Variants in NTNG1 observed in about 807,000 individuals in gnomAD.
NTNG1 encodes the protein netrin G1.
Under a neutral mutation model 54.0 loss-of-function variants are expected in NTNG1, and 16 were observed. The observed-to-expected ratio is 0.30, with a 90% CI of 0.20 to 0.45. The LOEUF (loss-of-function observed/expected upper bound fraction) is 0.45, where lower values mean the gene tolerates loss of function less well. NTNG1 is among the 20% of genes least tolerant of loss of function. The pLI is 1.00. For synonymous variants in NTNG1, 255 were observed against 263.1 expected (o/e 0.97, Z 0.30); for missense variants, 530 against 678.7 (o/e 0.78, Z 2.43).
chr1:107,437,083 T>C (rs913484725), intron 7 of NTNG1, among the ~76,000 whole-genome samples: 1 of 151,976 alleles, frequency 6.6e-6, no homozygotes, highest in Non-Finnish European at 1.5e-5. Context: ...AGTGACACAA[T>C]AGGGACCCAG....
intron 2 of NTNG1, among the ~76,000 whole-genome samples, chr1:107,312,497 G>T (rs970065181): frequency 1.3e-5 from 2 of 152,070 alleles, no homozygotes; most frequent in African/African-American, 4.8e-5. Flanking sequence ...TGTGAAGAAG[G>T]TTGTCAAAAA....
intron 3 of NTNG1, among the ~76,000 whole-genome samples, chr1:107,370,136 C>T (rs1341093588): frequency 6.6e-6 from 1 of 150,980 alleles, no homozygotes; most frequent in African/African-American, 2.4e-5. Context: ...GTCTTGAAAT[C>T]AGGTAGTGTT....
At chr1:107,428,976 T>C (rs985767514) in intron 5 of NTNG1, among the ~76,000 whole-genome samples, 1 of 152,074 alleles carries the variant, frequency 6.6e-6, no homozygotes, top group Admixed American at 6.6e-5. Flanking sequence ...TCTCCTACAT[T>C]GGAGTCTCAA....
chr1:107,395,099 T>G, intron 3 of NTNG1, 55 bp from the exon 4 acceptor site: 1 of 1,441,720 alleles, frequency 6.9e-7, no homozygotes, highest in African/African-American at 1.4e-5. Context: ...GAAGCCTCAG[T>G]GGTCACCAAG....
At chr1:107,161,186 G>C (rs1042616159) in intron 2 of NTNG1, among the ~76,000 whole-genome samples, 1 of 152,132 alleles carries the variant, frequency 6.6e-6, no homozygotes, top group Admixed American at 6.6e-5. Flanking sequence ...CCGTTAAACA[G>C]AGATATATTT....
At chr1:107,289,404 G>T (rs1270754661) in intron 2 of NTNG1, among the ~76,000 whole-genome samples, 1 of 152,090 alleles carries the variant, frequency 6.6e-6, no homozygotes, top group Non-Finnish European at 1.5e-5. Context: ...CTTTTATAAA[G>T]AAATTGATGT....
rs967531887 is a variant in NTNG1, at chr1:107,484,562, A to G, written c.*3722A>G. 6.6e-6 allele frequency among the ~76,000 whole-genome samples: 1 copy of G among 152,218 alleles called. No homozygotes were observed. The highest frequency in any genetic ancestry group is 2.4e-5 in the African/African-American group (1 of 41,460). On this transcript the variant is annotated 3_prime_UTR_variant, in exon 8 of 8. Coordinates refer to ENST00000370068, the MANE Select transcript of NTNG1 (RefSeq NM_001113226.3). ...TTGAGTCAGATCCCTAAGTTGGCAC[A>G]AACTGCTAACCACATAACACAAAGA...
chr1:107,215,566 A>G (rs1659897106), intron 2 of NTNG1, among the ~76,000 whole-genome samples: 1 of 152,108 alleles, frequency 6.6e-6, no homozygotes, highest in South Asian at 2.1e-4. Flanking sequence ...CAGGTAATGT[A>G]ATGCCTCCAG....
intron 4 of NTNG1, among the ~76,000 whole-genome samples, chr1:107,400,181 C>T (rs375974146): frequency 6.6e-6 from 1 of 152,064 alleles, no homozygotes; most frequent in East Asian, 1.9e-4. Context: ...GCATTTTTCT[C>T]TTCACTCTAT....
chr1:107,430,795 T>A lies in NTNG1; in HGVS notation c.1133T>A (p.Leu378Gln). The part of the protein sequence containing the change: ...GHSNRCSYID[L>Q]LNTVICVSCK... ...TCCAATCGATGCAGTTATATCGATC[T>A]GCTAAATACAGTCATTTGCGTGAGC... The change falls in exon 6 of 8, where the codon CTG (leucine) becomes CAG (glutamine). Residue 378 changes from leucine to glutamine, a missense_variant. Around this residue, in one of 2 missense-constraint regions of NTNG1, gnomAD observed 212 missense variants for 213.6 expected, o/e 0.99. Coordinates refer to ENST00000370068, the MANE Select transcript of NTNG1 (RefSeq NM_001113226.3). 5.6e-6 allele frequency: 9 copies of A among 1,613,296 alleles called. No individual in the cohort carries two copies. Among genetic ancestry groups the A allele is most frequent in the Non-Finnish European group, 7.6e-6 (9 of 1,179,606 alleles).
intron 6 of NTNG1, among the ~76,000 whole-genome samples, chr1:107,435,835 C>A (rs534987375): frequency 7.8e-4 from 119 of 152,248 alleles, no homozygotes; most frequent in African/African-American, 2.7e-3. Context: ...CCTGCACTAT[C>A]TTTCCAGCTA....
intron 2 of NTNG1, among the ~76,000 whole-genome samples, chr1:107,272,783 G>A (rs1398793375): frequency 6.6e-6 from 1 of 152,180 alleles, no homozygotes; most frequent in South Asian, 2.1e-4. Flanking sequence ...TAAAAATGAT[G>A]TAATGTATAC....
chr1:107,149,990 C>T (rs762079186), intron 2 of NTNG1, among the ~76,000 whole-genome samples: 1 of 152,086 alleles, frequency 6.6e-6, no homozygotes, highest in Non-Finnish European at 1.5e-5. Context: ...TTAGACCTAG[C>T]ACCATAAAAA....
chr1:107,356,668 AG>A (rs1399460257), intron 3 of NTNG1, among the ~76,000 whole-genome samples: 8 of 151,798 alleles, frequency 5.3e-5, no homozygotes, highest in Non-Finnish European at 1.0e-4. Context: ...TTCTGAAGGG[AG>A]TCAAGTCATT....
At chr1:107,177,379 G>A (rs1005105228) in intron 2 of NTNG1, among the ~76,000 whole-genome samples, 4 of 151,574 alleles carry the variant, frequency 2.6e-5, no homozygotes, top group African/African-American at 9.7e-5. Flanking sequence ...CTGTCACCCA[G>A]GCTAGAGTGC....
chr1:107,343,142 C>A (rs1324635652), intron 3 of NTNG1, among the ~76,000 whole-genome samples: 1 of 152,148 alleles, frequency 6.6e-6, no homozygotes, highest in Non-Finnish European at 1.5e-5. Context: ...GTCTGCCAGA[C>A]TCACTGGTGA....
chr1:107,416,066 C>T (rs541111745), intron 5 of NTNG1, among the ~76,000 whole-genome samples: 14 of 152,230 alleles, frequency 9.2e-5, no homozygotes, highest in African/African-American at 2.9e-4. Flanking sequence ...TAAAAAGTCT[C>T]GTGATGGCCA....
chr1:107,219,370 C>T (rs1429852004), intron 2 of NTNG1, among the ~76,000 whole-genome samples: 1 of 152,086 alleles, frequency 6.6e-6, no homozygotes, highest in African/African-American at 2.4e-5. Context: ...TCTCTGGTGC[C>T]TCTTCAATTG....
intron 2 of NTNG1, among the ~76,000 whole-genome samples, chr1:107,275,486 G>A (rs1296953218): frequency 6.6e-6 from 1 of 152,220 alleles, no homozygotes; most frequent in Admixed American, 6.5e-5. Context: ...TTGGCAAGCT[G>A]TAGACCCAGG....
Sources: allele counts gnomAD v4.1 joint callset (sites outside exome capture counted in the v4.1 genomes callset), GRCh38; gene constraint gnomAD v4.1.1; regional missense constraint gnomAD v4.1.1; transcripts MANE v1.5; gene names NCBI Gene and HGNC (gene_info 2026-07-23, HGNC 2026-07-21).